Variants in ADGRG4 observed in about 807,000 individuals in gnomAD.
ADGRG4 encodes the protein G protein-coupled receptor 112.
In ADGRG4, 122 loss-of-function variants were observed where a neutral mutation model predicts 126.2. That is an observed-to-expected ratio of 0.97 (90% CI 0.83 to 1.12). The LOEUF is 1.12. Ranked by LOEUF, ADGRG4 falls within the 50% of genes most tolerant of loss-of-function variation. The probability of loss-of-function intolerance (pLI) is 0.00; values close to 1 mark genes in which losing one functional copy is unlikely to be tolerated. For missense variants in ADGRG4, 2,481 were observed against 2,251.8 expected, an observed-to-expected ratio of 1.10 and a Z score of -2.06; for synonymous variants, 943 against 838.7, an observed-to-expected ratio of 1.12 and a Z score of -2.15.
intron 12 of ADGRG4, 122 bp from the exon 13 acceptor site, chrX:136,363,355 T>C: frequency 1.9e-6 from 1 of 539,399 alleles, no homozygotes; most frequent in Admixed American, 2.8e-5. Flanking sequence ...CCACCTTTGC[T>C]TTCTATGCCA....
Position 136,322,866 on chromosome X carries a change from C to T in ADGRG4, c.159C>T (p.Ser53=). The T allele has an allele frequency of 8.3e-7, 1 of 1,210,895 alleles. No individual in the cohort carries two copies. Among genetic ancestry groups the T allele is most frequent in the Non-Finnish European group, 1.1e-6 (1 of 894,766 alleles). ...VSLIDTIPEL[S]RFTACIDLVF... is the part of the protein sequence containing the mutation. ...TGATAGATACCATTCCTGAACTCAG[C>T]CGATTCACAGCATGCATTGATCTGG... Residue 53 remains serine, a synonymous_variant, in exon 5 of 26, where the codon AGC becomes AGT. Transcript: ENST00000394143.
At chrX:136,415,923 A>C (rs2075473015) in intron 25 of ADGRG4, among the ~76,000 whole-genome samples, 1 of 111,965 alleles carries the variant, frequency 8.9e-6, no homozygotes, top group Admixed American at 9.4e-5. Context: ...AGTTGAGAGG[A>C]ACTGAGCCAG....
At chrX:136,303,207 C>A (rs921937748) in intron 1 of ADGRG4, among the ~76,000 whole-genome samples, 1 of 111,472 alleles carries the variant, frequency 9.0e-6, no homozygotes, top group African/African-American at 3.3e-5. Flanking sequence ...GTGGTCCCAG[C>A]TACTCTGGAG....
In ADGRG4 at chrX:136,347,034, C is replaced by T. The variant is rs1202483599; in HGVS notation, c.3328C>T (p.Pro1110Ser). Reference protein sequence around the residue: ...SMAVPSLTETPFHSLRLSTPV... With the variant: ...SMAVPSLTETSFHSLRLSTPV... The stretch of plus-strand genomic sequence containing the variant: ...GGCAGTTCCTTCTCTGACAGAAACA[C>T]CATTTCATTCACTGAGACTCTCCAC... The change falls in exon 6 of 26, where the codon CCA becomes TCA. Residue 1110 changes from proline (P) to serine (S), a missense_variant. Pro to Ser is a moderately conservative substitution (Grantham distance 74). Coordinates refer to ENST00000394143, the MANE Select transcript of ADGRG4 (RefSeq NM_153834.4). 5 of 1,210,878 alleles carry T rather than the reference C, an allele frequency of 4.1e-6. No individual in the cohort carries two copies. The highest frequency in any genetic ancestry group is 4.5e-6 in the Non-Finnish European group (4 of 894,972).
At chrX:136,307,468 C>T (rs997583920) in intron 3 of ADGRG4, among the ~76,000 whole-genome samples, 1 of 112,314 alleles carries the variant, frequency 8.9e-6, no homozygotes, top group African/African-American at 3.2e-5. Flanking sequence ...TACTTCTAAG[C>T]TCATAGTTTA....
intron 18 of ADGRG4, among the ~76,000 whole-genome samples, chrX:136,394,732 G>A (rs1316570400): frequency 1.8e-5 from 2 of 112,282 alleles, no homozygotes; most frequent in African/African-American, 3.2e-5. Flanking sequence ...ATGGACAAAT[G>A]TTGACCAAAC....
intron 21 of ADGRG4, among the ~76,000 whole-genome samples, chrX:136,402,294 T>A (rs927288671): frequency 8.9e-6 from 1 of 111,772 alleles, no homozygotes; most frequent in Non-Finnish European, 1.9e-5. Context: ...CTTTTTTTTT[T>A]ATTTTCAATA....
chrX:136,305,166 AAC>A (rs2074725431), intron 3 of ADGRG4, 143 bp downstream of exon 3: 1 of 111,946 alleles, frequency 8.9e-6, no homozygotes, highest in African/African-American at 3.3e-5. Context: ...CTACTCTGAT[AAC>A]AGTTTGTGGG....
At chrX:136,414,021 G>A (rs775224713) in intron 24 of ADGRG4, 139 bp from the exon 25 acceptor site, 19 of 478,050 alleles carry the variant, frequency 4.0e-5, no homozygotes, top group South Asian at 3.3e-4. Context: ...AATTACAGGC[G>A]TGAGCCACTG....
intron 4 of ADGRG4, among the ~76,000 whole-genome samples, chrX:136,320,306 C>T (rs1332508499): frequency 8.9e-6 from 1 of 111,958 alleles, no homozygotes; most frequent in East Asian, 2.8e-4. Flanking sequence ...AATGAAATTG[C>T]TGGGTCAAAG....
intron 20 of ADGRG4, among the ~76,000 whole-genome samples, chrX:136,399,190 T>C (rs903867000): frequency 1.8e-5 from 2 of 111,682 alleles, no homozygotes; most frequent in African/African-American, 6.5e-5. Context: ...CCTCTTGATC[T>C]GTGTCGAAGT....
intron 9 of ADGRG4, 60 bp from the exon 10 acceptor site, chrX:136,357,644 T>C: frequency 1.3e-6 from 1 of 786,677 alleles, no homozygotes; most frequent in Non-Finnish European, 1.9e-6. Context: ...ATAAGCCCTG[T>C]ACTCAGTTAT....
At position 136,403,288 on chromosome X, in the gene ADGRG4, G is replaced by C. The variant is rs2148498648; in HGVS notation, c.8620G>C (p.Asp2874His). Residue 2874 changes from aspartate (D) to histidine (H), a missense_variant, in exon 22 of 26, where the codon GAT becomes CAT. Asp to His is a moderately conservative substitution (Grantham distance 81, BLOSUM62 -1). Transcript: ENST00000394143. ...GGCAATCACAGTCAGTGTGAAAAAAGATCTGTATGGAACTCTGAGCCCAAC... is the reference window on the plus strand; with the variant it reads ...GGCAATCACAGTCAGTGTGAAAAAACATCTGTATGGAACTCTGAGCCCAAC... ...MVAITVSVKK[D>H]LYGTLSPTTP... 8.3e-7 allele frequency: 1 copy of C among 1,209,080 alleles called. No homozygotes were observed. Among genetic ancestry groups the C allele is most frequent in the Non-Finnish European group, 1.1e-6 (1 of 893,191 alleles).
chrX:136,341,122 T>C (rs1368070585), intron 5 of ADGRG4, among the ~76,000 whole-genome samples: 1 of 111,915 alleles, frequency 8.9e-6, no homozygotes, highest in Admixed American at 9.5e-5. Flanking sequence ...TTGAGATGCT[T>C]ACTGGAAGTG....
rs1244391627 is a variant in ADGRG4, at chrX:136,388,605, T to C, written c.7911+731T>C. On this transcript the variant is annotated intron_variant, in intron 16 of 25. Transcript: ENST00000394143. ...AATACCGCTTGGCACATAAGTACCA[T>C]GTTAAGTGTTTGCTCTACTATTATT... Among the ~76,000 whole-genome samples, 4 of 111,936 alleles carry C rather than the reference T, an allele frequency of 3.6e-5. No individual in the cohort carries two copies. The East Asian group carries it at 8.4e-4, about 24-fold the overall frequency.
At chrX:136,318,061 A>G (rs181846206) in intron 4 of ADGRG4, among the ~76,000 whole-genome samples, 1 of 112,719 alleles carries the variant, frequency 8.9e-6, no homozygotes, top group African/African-American at 3.2e-5. Context: ...CAAATAAATA[A>G]AAACATGTGT....
rs147597943 is a variant in ADGRG4 at position 136,344,974 on chromosome X, C to T, written c.1268C>T (p.Thr423Ile). 256 of 1,209,459 alleles carry T rather than the reference C, an allele frequency of 2.1e-4. 1 individual carries two copies. In the African/African-American group the frequency reaches 3.9e-3, roughly 19 times the overall value. The part of the protein sequence containing the change: ...STTPCLKQKS[T>I]NTGALPISTA... ...ACACCTTGTCTCAAACAAAAATCCA[C>T]AAATACTGGGGCACTCCCTATCTCC... Residue 423 changes from threonine (T) to isoleucine (I), a missense_variant, in exon 6 of 26, where the codon ACA (threonine) becomes ATA (isoleucine). Physicochemically the swap from Thr to Ile is moderately conservative, Grantham distance 89. Coordinates refer to ENST00000394143, the MANE Select transcript of ADGRG4 (RefSeq NM_153834.4).
Position 136,346,676 on chromosome X carries a change from G to C in ADGRG4, c.2970G>C (p.Leu990Phe). 8.3e-7 allele frequency: 1 copy of C among 1,210,909 alleles called. No homozygotes were observed. The highest frequency in any genetic ancestry group is 1.1e-6 in the Non-Finnish European group (1 of 895,042). ...TTPTDRTATS[L>F]SDGILPPQPT... ...CTACAGACAGGACAGCTACGTCCTT[G>C]TCTGATGGTATCTTACCTCCACAGC... Residue 990 changes from leucine to phenylalanine, a missense_variant, in exon 6 of 26, where the codon TTG (leucine) becomes TTC (phenylalanine). Transcript: ENST00000394143.
intron 6 of ADGRG4, among the ~76,000 whole-genome samples, chrX:136,350,712 ACTGT>A (rs1364554592): frequency 9.0e-6 from 1 of 111,577 alleles, no homozygotes; most frequent in Non-Finnish European, 1.9e-5. Context: ...TTTGTTCTTG[ACTGT>A]CTGACTCTGA....
Sources: gnomAD v4.1 joint callset for allele counts (sites outside exome capture counted in the v4.1 genomes callset) on GRCh38, gnomAD v4.1.1 for gene constraint, MANE v1.5 for transcripts, NCBI Gene and HGNC (gene_info 2026-07-23, HGNC 2026-07-21) for gene names.